ITPR2: variants seen among roughly 807,000 people sequenced by gnomAD.
ITPR2 encodes the protein inositol 1,4,5-trisphosphate receptor type 2.
In ITPR2, 207 loss-of-function variants were observed where a neutral mutation model predicts 317.1. The observed-to-expected ratio is 0.65, with a 90% CI of 0.58 to 0.73. The LOEUF is 0.73. Among genes scored for constraint, ITPR2 ranks in the 30% least tolerant of loss-of-function variants. The pLI, the probability that ITPR2 is intolerant of heterozygous loss-of-function variation, is 0.00. For synonymous variants in ITPR2, 1,156 were observed against 1,149.1 expected, an observed-to-expected ratio of 1.01 and a Z score of -0.12; for missense variants, 2,613 against 3,284.0, an observed-to-expected ratio of 0.80 and a Z score of 4.99.
intron 2 of ITPR2, among the ~76,000 whole-genome samples, chr12:26,748,013 T>C (rs574002170): frequency 6.6e-6 from 1 of 152,272 alleles, no homozygotes; most frequent in African/African-American, 2.4e-5. Flanking sequence ...TTCAAAACCC[T>C]GAAGAAATCA....
intron 35 of ITPR2, among the ~76,000 whole-genome samples, chr12:26,559,549 CCTAATACTAATA>C (rs60082855): frequency 0.72 from 108,554 of 151,810 alleles, 40,316 homozygotes; most frequent in Non-Finnish European, 0.83. Context: ...GACATCACCT[CCTAATACTAATA>C]CTAATACTAT....
At chr12:26,726,544 T>C (rs796459048) in intron 2 of ITPR2, among the ~76,000 whole-genome samples, 1 of 152,314 alleles carries the variant, frequency 6.6e-6, no homozygotes, top group African/African-American at 2.4e-5. Context: ...AAAAGAGTAG[T>C]AATACAGAAA....
At chr12:26,782,013 T>G (rs1163020510) in intron 2 of ITPR2, among the ~76,000 whole-genome samples, 97 of 53,172 alleles carry the variant, frequency 1.8e-3, no homozygotes, top group African/African-American at 4.4e-3. Context: ...TATATATATA[T>G]ATATATATAT....
chr12:26,775,582 T>G (rs899168837), intron 2 of ITPR2, among the ~76,000 whole-genome samples: 9 of 152,150 alleles, frequency 5.9e-5, no homozygotes, highest in African/African-American at 2.2e-4. Flanking sequence ...CTTGATTGGA[T>G]TGAAGTATTG....
chr12:26,618,409 G>A (rs1475879649), intron 26 of ITPR2, among the ~76,000 whole-genome samples: 1 of 152,110 alleles, frequency 6.6e-6, no homozygotes, highest in Admixed American at 6.5e-5. Flanking sequence ...ATCTAAACTG[G>A]AATAGGAAGT....
At position 26,398,868 on chromosome 12, in the gene ITPR2, A is replaced by G; in HGVS notation, c.7696+8T>C. On this transcript the variant is annotated splice_region_variant and intron_variant, in intron 54 of 56. Transcript: ENST00000381340. Reference sequence around the variant, plus strand: ...CATCTATTATTTTAGCATCTGCCGAACACTTACCACAGATGAAACAAGTTG... The same window carrying G: ...CATCTATTATTTTAGCATCTGCCGAGCACTTACCACAGATGAAACAAGTTG... 6.2e-7 allele frequency: 1 copy of G among 1,605,666 alleles called. No individual in the cohort carries two copies. Among genetic ancestry groups the G allele is most frequent in the Non-Finnish European group, 8.5e-7 (1 of 1,177,392 alleles).
intron 13 of ITPR2, 58 bp from the exon 14 acceptor site, chr12:26,666,109 A>C: frequency 8.2e-7 from 1 of 1,220,882 alleles, no homozygotes; most frequent in East Asian, 3.1e-5. Context: ...TGGAAAATGT[A>C]TAGATAGATG....
chr12:26,555,215 A>G (rs1010706907), intron 36 of ITPR2, among the ~76,000 whole-genome samples: 1 of 152,256 alleles, frequency 6.6e-6, no homozygotes, highest in African/African-American at 2.4e-5. Flanking sequence ...TAAATGGTGA[A>G]AGAAAGGAAC....
In ITPR2 at chr12:26,661,282, G is replaced by T. The variant is rs770244360; in HGVS notation, c.1714-1997C>A. Among the ~76,000 whole-genome samples, 5 of 112,438 alleles carry T rather than the reference G, an allele frequency of 4.4e-5. 1 individual carries two copies. The highest frequency in any genetic ancestry group is 7.6e-5 in the Non-Finnish European group (4 of 52,616). The allele number at this position is 112,438 out of a possible 152,430, so 73.8% of individuals were successfully genotyped here. A position where few individuals can be genotyped will look rare whatever the true frequency, so the allele number is the denominator to read the frequency against. ...TAGGTAGGGGTGTGTGTGTGGGGGGGGGGGGGTGGGAGGGAACGGGCACGT... is the reference window on the plus strand; with the variant it reads ...TAGGTAGGGGTGTGTGTGTGGGGGGTGGGGGGTGGGAGGGAACGGGCACGT... On this transcript the variant is annotated intron_variant, in intron 15 of 56. Transcript: ENST00000381340.
At chr12:26,486,475 C>A in intron 40 of ITPR2, 115 bp from the exon 41 acceptor site, 1 of 879,112 alleles carries the variant, frequency 1.1e-6, no homozygotes, top group Non-Finnish European at 1.7e-6. Flanking sequence ...AATAATCTGA[C>A]AAAAGGTGCA....
intron 9 of ITPR2, among the ~76,000 whole-genome samples, chr12:26,700,351 T>G (rs1948422254): frequency 1.3e-5 from 2 of 152,122 alleles, no homozygotes; most frequent in Admixed American, 6.5e-5. Context: ...GTGAGAAAAA[T>G]GAGACTTCTT....
At chr12:26,612,850 G>A (rs989823487) in intron 26 of ITPR2, among the ~76,000 whole-genome samples, 49 of 152,116 alleles carry the variant, frequency 3.2e-4, no homozygotes, top group Non-Finnish European at 1.8e-4. Flanking sequence ...AATACAAATC[G>A]CTTATTCTTG....
At chr12:26,580,480 C>T (rs549499096) in intron 32 of ITPR2, among the ~76,000 whole-genome samples, 91 of 152,262 alleles carry the variant, frequency 6.0e-4, no homozygotes, top group African/African-American at 2.0e-3. Flanking sequence ...TGCTGGAGAA[C>T]ACTTTTCCAC....
chr12:26,665,426 C>A (rs1290413487), intron 14 of ITPR2, among the ~76,000 whole-genome samples: 2 of 152,192 alleles, frequency 1.3e-5, no homozygotes, highest in Non-Finnish European at 2.9e-5. Context: ...TCATCGAATC[C>A]TCTCTCCTTA....
intron 54 of ITPR2, among the ~76,000 whole-genome samples, chr12:26,389,229 A>C (rs918375756): frequency 1.3e-5 from 2 of 152,320 alleles, no homozygotes; most frequent in Admixed American, 6.5e-5. Context: ...CTTCTGTTGT[A>C]AACCCAACAA....
intron 11 of ITPR2, among the ~76,000 whole-genome samples, chr12:26,683,313 T>A (rs1948070441): frequency 6.6e-6 from 1 of 152,136 alleles, no homozygotes; most frequent in South Asian, 2.1e-4. Flanking sequence ...TGGAACAAGG[T>A]GATGCTCTGC....
chr12:26,388,191 T>C (rs1284988149), intron 54 of ITPR2, among the ~76,000 whole-genome samples: 1 of 152,214 alleles, frequency 6.6e-6, no homozygotes, highest in Non-Finnish European at 1.5e-5. Flanking sequence ...CCAGGGCACA[T>C]TTTTAAGCCT....
At position 26,666,100 on chromosome 12, in the gene ITPR2, G is replaced by C; in HGVS notation, c.1410-49C>G. 2.1e-6 allele frequency: 3 copies of C among 1,459,468 alleles called. No homozygotes were observed. The African/African-American group carries it at 4.3e-5, about 21-fold the overall frequency. The allele number at this position is 1,459,468 out of a possible 1,614,324, so 90.4% of individuals were successfully genotyped here. Reference sequence around the variant, plus strand: ...TTTACTTTACAGTGTGCTTAATTTTGGAAAATGTATAGATAGATGATAGGT... The same window carrying C: ...TTTACTTTACAGTGTGCTTAATTTTCGAAAATGTATAGATAGATGATAGGT... On this transcript the variant is annotated intron_variant, in intron 13 of 56. Transcript: ENST00000381340.
rs973632242 is a variant in ITPR2, at chr12:26,338,303, C to T, written c.*1094G>A. The T allele has an allele frequency of 2.0e-5, 3 of 152,610 alleles. No individual in the cohort carries two copies. Among genetic ancestry groups the T allele is most frequent in the Non-Finnish European group, 4.4e-5 (3 of 68,032 alleles). 9.5% of individuals were successfully genotyped at this position (152,610 alleles called of 1,614,324 possible). ...TGAATAAGAGATTTTTATCTTGCTA[C>T]ATTTTGAAAAGCCCTTACAGATACA... On this transcript the variant is annotated 3_prime_UTR_variant, in exon 57 of 57. Coordinates refer to ENST00000381340, the MANE Select transcript of ITPR2 (RefSeq NM_002223.4).
Sources: allele counts gnomAD v4.1 joint callset (sites outside exome capture counted in the v4.1 genomes callset), GRCh38; gene constraint gnomAD v4.1.1; transcripts MANE v1.5; gene names NCBI Gene and HGNC (gene_info 2026-07-23, HGNC 2026-07-21).